Variants in SPDYA observed in about 807,000 individuals in gnomAD.
SPDYA encodes the protein speedy protein A.
Under a neutral mutation model 36.7 loss-of-function variants are expected in SPDYA, and 11 were observed. The ratio of observed to expected loss-of-function variants is 0.30; its 90% confidence interval spans 0.19 to 0.50. The LOEUF is 0.50. Among genes scored for constraint, SPDYA ranks in the 20% least tolerant of loss-of-function variants. The probability of loss-of-function intolerance (pLI) is 0.98; values close to 1 mark genes in which losing one functional copy is unlikely to be tolerated. For synonymous variants in SPDYA, 115 were observed against 118.7 expected (o/e 0.97, Z 0.20); for missense variants, 287 against 370.9 (o/e 0.77, Z 1.86).
At chr2:28,835,224 AC>A (rs1284539770) in intron 6 of SPDYA, among the ~76,000 whole-genome samples, 2 of 130,420 alleles carry the variant, frequency 1.5e-5, no homozygotes, top group Admixed American at 7.6e-5. Flanking sequence ...ATAGTGCCTG[AC>A]CTTTTTTTTT....
chr2:28,850,566 T>G lies in SPDYA; in HGVS notation c.*625T>G. The G allele has an allele frequency of 1.8e-6, 1 of 569,196 alleles. No homozygotes were observed. The highest frequency in any genetic ancestry group is 2.9e-5 in the East Asian group (1 of 34,236). 35.3% of individuals were successfully genotyped at this position (569,196 alleles called of 1,614,324 possible). A position where few individuals can be genotyped will look rare whatever the true frequency, so the allele number is the denominator to read the frequency against. On this transcript the variant is annotated 3_prime_UTR_variant, in exon 8 of 8. Transcript: ENST00000334056. ...ACTCTGCCAGTTATTATACAGAAAC[T>G]ATTTGTCAATGATTATGTAATAAAC... is the stretch of plus-strand genomic sequence containing the variant.
At chr2:28,838,429 C>T (rs777123996) in intron 6 of SPDYA, among the ~76,000 whole-genome samples, 49 of 152,022 alleles carry the variant, frequency 3.2e-4, no homozygotes, top group Non-Finnish European at 3.4e-4. Flanking sequence ...GATCCGCACA[C>T]CTCAGCCTCC....
At chr2:28,819,892 A>G (rs1468929285) in intron 4 of SPDYA, among the ~76,000 whole-genome samples, 1 of 85,314 alleles carries the variant, frequency 1.2e-5, no homozygotes, top group South Asian at 4.6e-4. Flanking sequence ...ATATATATAT[A>G]TATATATATA....
At chr2:28,812,469 A>AG (rs1553313855) in intron 1 of SPDYA, among the ~76,000 whole-genome samples, 1 of 149,158 alleles carries the variant, frequency 6.7e-6, no homozygotes, top group East Asian at 2.0e-4. Context: ...TACCAAAAAA[A>AG]AAAGAAAGAA....
chr2:28,843,926 AT>A (rs2148108160), intron 7 of SPDYA, among the ~76,000 whole-genome samples: 1 of 152,266 alleles, frequency 6.6e-6, no homozygotes, highest in African/African-American at 2.4e-5. Flanking sequence ...GATATATATT[AT>A]GTATTATCTG....
chr2:28,826,078 T>A (rs547587922), intron 5 of SPDYA, among the ~76,000 whole-genome samples: 1 of 152,170 alleles, frequency 6.6e-6, no homozygotes, highest in South Asian at 2.1e-4. Context: ...TTGGCACTGG[T>A]TTCTTTTTAA....
chr2:28,832,975 G>C (rs1317845557), intron 6 of SPDYA, among the ~76,000 whole-genome samples: 2 of 151,954 alleles, frequency 1.3e-5, no homozygotes, highest in African/African-American at 4.8e-5. Context: ...AAGTAGCTGG[G>C]ACTACAGGCA....
chr2:28,812,878 A>AAAAAAAAT (rs1344296414), intron 1 of SPDYA, among the ~76,000 whole-genome samples: 2 of 150,934 alleles, frequency 1.3e-5, no homozygotes, highest in African/African-American at 4.9e-5. Context: ...AAAAAAAAAA[A>AAAAAAAAT]ATTAAAGGAT....
At chr2:28,819,172 T>C in intron 4 of SPDYA, 66 bp downstream of exon 4, 1 of 1,192,778 alleles carries the variant, frequency 8.4e-7, no homozygotes, top group Non-Finnish European at 1.2e-6. Flanking sequence ...AGAGCTTTAA[T>C]GAGACCTTAT....
intron 1 of SPDYA, among the ~76,000 whole-genome samples, chr2:28,814,209 T>C (rs754353087): frequency 4.6e-5 from 7 of 152,212 alleles, no homozygotes; most frequent in Non-Finnish European, 1.0e-4. Flanking sequence ...ATTTTTACTT[T>C]AAAAACTGAA....
At position 28,847,408 on chromosome 2, in the gene SPDYA, T is replaced by C. The variant is rs115546586; in HGVS notation, c.851-2442T>C. On this transcript the variant is annotated intron_variant, in intron 7 of 7. Transcript: ENST00000334056. ...TATAGTCATGCGCCACATAATGACATTTCACTCAAGGTGGGACTGCATACA... is the reference window on the plus strand; with the variant it reads ...TATAGTCATGCGCCACATAATGACACTTCACTCAAGGTGGGACTGCATACA... 9.4e-3 allele frequency among the ~76,000 whole-genome samples: 1,426 copies of C among 151,630 alleles called. 24 individuals are homozygous for C. Among genetic ancestry groups the C allele is most frequent in the African/African-American group, 0.033 (1,356 of 41,336 alleles).
intron 7 of SPDYA, among the ~76,000 whole-genome samples, chr2:28,845,271 T>C (rs1405504700): frequency 6.6e-6 from 1 of 150,608 alleles, no homozygotes. Flanking sequence ...TTTTCTTTTT[T>C]TTTTTGTAGA....
At chr2:28,838,889 A>G (rs1483169383) in intron 6 of SPDYA, among the ~76,000 whole-genome samples, 1 of 152,202 alleles carries the variant, frequency 6.6e-6, no homozygotes, top group Admixed American at 6.5e-5. Flanking sequence ...TGTTTTGAAA[A>G]TCACTGCTCT....
At position 28,841,248 on chromosome 2, in the gene SPDYA, T is replaced by G. The variant is rs566073178; in HGVS notation, c.850+779T>G. On this transcript the variant is annotated intron_variant, in intron 7 of 7. Coordinates refer to ENST00000334056, the MANE Select transcript of SPDYA (RefSeq NM_182756.4). The stretch of plus-strand genomic sequence containing the variant: ...CGCACCCAGGCCAAAACCTGATTTT[T>G]AATTCTGACATGGTATAAGTACCAT... 3.9e-5 allele frequency among the ~76,000 whole-genome samples: 6 copies of G among 152,266 alleles called. No individual in the cohort carries two copies. In the East Asian group the frequency reaches 1.2e-3, roughly 29 times the overall value.
At chr2:28,838,105 C>T (rs888816014) in intron 6 of SPDYA, among the ~76,000 whole-genome samples, 27 of 151,622 alleles carry the variant, frequency 1.8e-4, no homozygotes, top group African/African-American at 5.8e-4. Context: ...TGAAAGTGAC[C>T]TATTTTCTCA....
In SPDYA at chr2:28,840,103, A is replaced by G. The variant is rs1668713014; in HGVS notation, c.553-69A>G. 2.9e-6 allele frequency: 4 copies of G among 1,397,734 alleles called. No homozygotes were observed. In the South Asian group the frequency reaches 5.4e-5, roughly 19 times the overall value. The allele number at this position is 1,397,734 out of a possible 1,614,324, so 86.6% of individuals were successfully genotyped here. Reference sequence around the variant, plus strand: ...TAGAGACAGTTGTTCTTGAGTTATAAGTTTTGAACTCAATTTTAGTAAATT... The same window carrying G: ...TAGAGACAGTTGTTCTTGAGTTATAGGTTTTGAACTCAATTTTAGTAAATT... On this transcript the variant is annotated intron_variant, in intron 6 of 7. Transcript: ENST00000334056.
intron 5 of SPDYA, among the ~76,000 whole-genome samples, chr2:28,828,143 C>T (rs573658899): frequency 2.8e-4 from 42 of 151,974 alleles, no homozygotes; most frequent in African/African-American, 8.9e-4. Context: ...CAGGCCACCA[C>T]GCCCAGCTAA....
chr2:28,831,557 T>C (rs1668479855), intron 6 of SPDYA, among the ~76,000 whole-genome samples: 1 of 152,242 alleles, frequency 6.6e-6, no homozygotes, highest in African/African-American at 2.4e-5. Context: ...TTTAATTCCA[T>C]TATCCTTATC....
intron 7 of SPDYA, 48 bp downstream of exon 7, chr2:28,840,517 TGAGCTCTAGTCA>T: frequency 6.3e-7 from 1 of 1,599,944 alleles, no homozygotes; most frequent in Non-Finnish European, 8.5e-7. Context: ...TGTTGTTTAC[TGAGCTCTAGTCA>T]GTCCTTTCTG....
Sources: gnomAD v4.1 joint callset for allele counts (sites outside exome capture counted in the v4.1 genomes callset) on GRCh38, gnomAD v4.1.1 for gene constraint, MANE v1.5 for transcripts, NCBI Gene and HGNC (gene_info 2026-07-23, HGNC 2026-07-21) for gene names.